TMEM106C: variants seen among roughly 807,000 people sequenced by gnomAD.
The protein encoded by TMEM106C is endoplasmic reticulum membrane protein overexpressed in cancer.
Under a neutral mutation model 30.8 loss-of-function variants are expected in TMEM106C, and 27 were observed. That is an observed-to-expected ratio of 0.88 (90% CI 0.65 to 1.21). The LOEUF (loss-of-function observed/expected upper bound fraction) is 1.21. TMEM106C is among the 50% of genes most tolerant of loss of function. TMEM106C has a pLI of 0.00. For missense variants in TMEM106C, 288 were observed against 307.8 expected (o/e 0.94, Z 0.48); for synonymous variants, 123 against 118.8 (o/e 1.04, Z -0.23).
At chr12:47,965,067 C>G (rs561826733) in intron 2 of TMEM106C, among the ~76,000 whole-genome samples, 1 of 152,356 alleles carries the variant, frequency 6.6e-6, no homozygotes, top group Middle Eastern at 3.4e-3. Context: ...GGTTTTTCAA[C>G]TTCCACATCA....
chr12:47,964,516 AC>A, intron 2 of TMEM106C, 93 bp downstream of exon 2: 2 of 1,199,910 alleles, frequency 1.7e-6, no homozygotes, highest in Non-Finnish European at 2.4e-6. Flanking sequence ...AGGCAGTAAT[AC>A]CATAATAGAG....
At chr12:47,964,065 T>C in intron 1 of TMEM106C, 144 bp from the exon 2 acceptor site, 1 of 656,368 alleles carries the variant, frequency 1.5e-6, no homozygotes, top group Non-Finnish European at 2.6e-6. Context: ...AAAATGAGGG[T>C]CCCGATAGAA....
In TMEM106C at chr12:47,967,164, T is replaced by TAAAAA. The variant is rs552717722; in HGVS notation, c.603-35_603-31dup. 5.3e-4 allele frequency: 751 copies of TAAAAA among 1,419,406 alleles called. 9 individuals are homozygous for TAAAAA. Among genetic ancestry groups the TAAAAA allele is most frequent in the African/African-American group, 4.8e-3 (332 of 69,390 alleles). The allele number at this position is 1,419,406 out of a possible 1,614,324, so 87.9% of individuals were successfully genotyped here. A position where few individuals can be genotyped will look rare whatever the true frequency, so the allele number is the denominator to read the frequency against. Reference sequence around the variant, plus strand: ...ACTCTGCACTCTTCTACTGAGGCTTTAAAAAAAAAAAAACTGACTATTTCC... The same window carrying TAAAAA: ...ACTCTGCACTCTTCTACTGAGGCTTTAAAAAAAAAAAAAAAAAACTGACTATTTCC... On this transcript the variant is annotated intron_variant, in intron 6 of 7. Coordinates refer to ENST00000429772, the MANE Select transcript of TMEM106C (RefSeq NM_001143842.2).
rs1938237425 is a variant in TMEM106C at position 47,966,727 on chromosome 12, T to C, written c.597T>C (p.Tyr199=). The C allele has an allele frequency of 1.2e-6, 2 of 1,614,166 alleles. No individual in the cohort carries two copies. Among genetic ancestry groups the C allele is most frequent in the Middle Eastern group, 1.6e-4 (1 of 6,062 alleles). Residue 199 remains tyrosine, a synonymous_variant, in exon 6 of 8, where the codon TAT becomes TAC. Coordinates refer to ENST00000429772, the MANE Select transcript of TMEM106C (RefSeq NM_001143842.2). The part of the protein sequence containing the change: ...GKAEMGGPFS[Y]VYFFCTVPEI... ...CCGAGATGGGAGGACCGTTTTCCTA[T>C]GTGTAGTAAGGACACTGTTCTCTCT... is the stretch of plus-strand genomic sequence containing the variant.
intron 2 of TMEM106C, chr12:47,964,636 T>A (rs1384011830): frequency 3.5e-6 from 2 of 570,082 alleles, no homozygotes; most frequent in African/African-American, 3.7e-5. Flanking sequence ...TTACCGCCAC[T>A]CTTGTTCTTT....
chr12:47,964,245 T>G lies in TMEM106C; in HGVS notation c.9T>G (p.Ser3=), dbSNP rs1264980220. MG[S]QHSAAARPSS... ...AGTGGCATATCACGGCCATGGGGTC[T>G]CAGCATTCCGCTGCTGCTCGCCCCT... is the stretch of plus-strand genomic sequence containing the variant. Residue 3 remains serine (S), a synonymous_variant, in exon 2 of 8, where the codon TCT becomes TCG. Coordinates refer to ENST00000429772, the MANE Select transcript of TMEM106C (RefSeq NM_001143842.2). The G allele has an allele frequency of 6.2e-7, 1 of 1,612,892 alleles. No homozygotes were observed. The highest frequency in any genetic ancestry group is 8.5e-7 in the Non-Finnish European group (1 of 1,179,476).
At chr12:47,963,938 C>T in intron 1 of TMEM106C, 1 of 464,298 alleles carries the variant, frequency 2.2e-6, no homozygotes. Flanking sequence ...GCGGGGGTGC[C>T]CCAAGTCCCA....
Position 47,968,448 on chromosome 12 carries a change from CA to C in TMEM106C, c.*220del. Reference sequence around the variant, plus strand: ...GCAGAATCAGTGCCTAGCCTGTGCCCAGCAAATAGTTGGCACTCAATAAAGA... The same window carrying C: ...GCAGAATCAGTGCCTAGCCTGTGCCCGCAAATAGTTGGCACTCAATAAAGA... On this transcript the variant is annotated 3_prime_UTR_variant, in exon 8 of 8. Transcript: ENST00000429772. The C allele has an allele frequency of 1.6e-6, 1 of 633,542 alleles. No individual in the cohort carries two copies. The highest frequency in any genetic ancestry group is 3.1e-5 in the East Asian group (1 of 32,572). The allele number at this position is 633,542 out of a possible 1,614,324, so 39.2% of individuals were successfully genotyped here. A position where few individuals can be genotyped will look rare whatever the true frequency, so the allele number is the denominator to read the frequency against.
At chr12:47,966,022 G>C in intron 4 of TMEM106C, 25 bp downstream of exon 4, 1 of 1,614,132 alleles carries the variant, frequency 6.2e-7, no homozygotes, top group Non-Finnish European at 8.5e-7. Context: ...TTCATTCCCT[G>C]GGTTGTGCAC....
At chr12:47,964,101 C>T (rs920166838) in intron 1 of TMEM106C, 108 bp from the exon 2 acceptor site, 8 of 886,070 alleles carry the variant, frequency 9.0e-6, no homozygotes, top group African/African-American at 3.3e-5. Context: ...GGACCACACT[C>T]AGGGCGGCAA....
chr12:47,964,176 G>C (rs1938141813), intron 1 of TMEM106C, 33 bp from the exon 2 acceptor site: 1 of 1,545,570 alleles, frequency 6.5e-7, no homozygotes, highest in Non-Finnish European at 8.8e-7. Context: ...ATTCACTGGG[G>C]CCGCTAACGT....
intron 7 of TMEM106C, among the ~76,000 whole-genome samples, chr12:47,967,929 C>A (rs915145248): frequency 2.0e-5 from 3 of 152,056 alleles, no homozygotes; most frequent in Admixed American, 6.6e-5. Context: ...GATTGAGAAG[C>A]CTTGTTTGGA....
In TMEM106C at chr12:47,965,914, T is replaced by G; in HGVS notation, c.328T>G (p.Ser110Ala). Residue 110 changes from serine (S) to alanine (A), a missense_variant, in exon 4 of 8, where the codon TCA becomes GCA. Physicochemically the swap from Ser to Ala is moderately conservative, Grantham distance 99. Transcript: ENST00000429772. ...GLVVFFLFPHSVLVDDDGIKV... is the reference protein window; with the variant it reads ...GLVVFFLFPHAVLVDDDGIKV... Reference sequence around the variant, plus strand: ...GGTGGTTTTCTTCCTGTTTCCGCATTCAGTCCTTGTGGATGATGACGGCAT... The same window carrying G: ...GGTGGTTTTCTTCCTGTTTCCGCATGCAGTCCTTGTGGATGATGACGGCAT... 1 of 1,614,248 alleles carries G rather than the reference T, an allele frequency of 6.2e-7. No individual in the cohort carries two copies. Among genetic ancestry groups the G allele is most frequent in the South Asian group, 1.1e-5 (1 of 91,086 alleles).
chr12:47,968,082 T>G, intron 7 of TMEM106C, 51 bp from the exon 8 acceptor site: 2 of 1,514,704 alleles, frequency 1.3e-6, no homozygotes, highest in Admixed American at 1.7e-5. Context: ...TTTTTCTGGC[T>G]TATTTCATCC....
chr12:47,967,752 G>A (rs1030879715), intron 7 of TMEM106C, among the ~76,000 whole-genome samples: 1 of 152,098 alleles, frequency 6.6e-6, no homozygotes, highest in Non-Finnish European at 1.5e-5. Flanking sequence ...AACATTTTGG[G>A]CCAGACCTTT....
At chr12:47,966,969 CACT>C in intron 6 of TMEM106C, 1 of 636,854 alleles carries the variant, frequency 1.6e-6, no homozygotes, top group Non-Finnish European at 2.7e-6. Context: ...AACATTAAGC[CACT>C]AAAAACGTTA....
chr12:47,968,607 A>C lies in TMEM106C; in HGVS notation c.*378A>C. ...TGTGAGTGACCTGCAGGCCATTATC[A>C]GTGCCTCATCTGTGCAGAAGTGGCA... On this transcript the variant is annotated 3_prime_UTR_variant, in exon 8 of 8. Transcript: ENST00000429772. 1 of 354,220 alleles carries C rather than the reference A, an allele frequency of 2.8e-6. No homozygotes were observed. Among genetic ancestry groups the C allele is most frequent in the South Asian group, 2.2e-5 (1 of 46,164 alleles). 21.9% of individuals were successfully genotyped at this position (354,220 alleles called of 1,614,324 possible). A position where few individuals can be genotyped will look rare whatever the true frequency, so the allele number is the denominator to read the frequency against.
At position 47,968,488 on chromosome 12, in the gene TMEM106C, A is replaced by G. The variant is rs982988070; in HGVS notation, c.*259A>G. On this transcript the variant is annotated 3_prime_UTR_variant, in exon 8 of 8. Transcript: ENST00000429772. Reference sequence around the variant, plus strand: ...ACTCAATAAAGATTTGCAGAATTTAATACAGATCTTTTCAGCTGTTCTTAG... The same window carrying G: ...ACTCAATAAAGATTTGCAGAATTTAGTACAGATCTTTTCAGCTGTTCTTAG... 1.9e-6 allele frequency: 1 copy of G among 515,400 alleles called. No individual in the cohort carries two copies. Among genetic ancestry groups the G allele is most frequent in the East Asian group, 4.0e-5 (1 of 24,694 alleles). 31.9% of individuals were successfully genotyped at this position (515,400 alleles called of 1,614,324 possible). A position where few individuals can be genotyped will look rare whatever the true frequency, so the allele number is the denominator to read the frequency against.
At chr12:47,967,184 A>G (rs1443999190) in intron 6 of TMEM106C, 24 bp from the exon 7 acceptor site, 3 of 1,608,996 alleles carry the variant, frequency 1.9e-6, no homozygotes, top group East Asian at 2.2e-5. Flanking sequence ...AAAACTGACT[A>G]TTTCCATATT....
Sources: allele counts gnomAD v4.1 joint callset (sites outside exome capture counted in the v4.1 genomes callset), GRCh38; gene constraint gnomAD v4.1.1; transcripts MANE v1.5; gene names NCBI Gene and HGNC (gene_info 2026-07-23, HGNC 2026-07-21).